The following PPP1R12B variants were observed in gnomAD, a reference collection of about 807,000 sequenced individuals.
PPP1R12B encodes the protein protein phosphatase 1 regulatory subunit 12B.
PPP1R12B carries 76 observed loss-of-function variants against 126.1 expected under a neutral mutation model. The ratio of observed to expected loss-of-function variants is 0.60; its 90% CI spans 0.50 to 0.73. The LOEUF (loss-of-function observed/expected upper bound fraction) is 0.73. PPP1R12B is among the 30% of genes least tolerant of loss of function. The pLI is 0.00. For missense variants in PPP1R12B, 1,052 were observed against 1,205.1 expected (o/e 0.87, Z 1.88); for synonymous variants, 356 against 434.7 (o/e 0.82, Z 2.25).
intron 18 of PPP1R12B, among the ~76,000 whole-genome samples, chr1:202,534,860 A>G (rs575331943): frequency 1.1e-4 from 17 of 152,360 alleles, no homozygotes; most frequent in Non-Finnish European, 2.5e-4. Flanking sequence ...AACCTTTTAC[A>G]TAATCACAAG....
rs190194051 is a variant in PPP1R12B at position 202,525,213 on chromosome 1, C to G, written c.2490+28391C>G. On this transcript the variant is annotated intron_variant, in intron 18 of 23. Coordinates refer to ENST00000608999, the MANE Select transcript of PPP1R12B (RefSeq NM_002481.4). The stretch of plus-strand genomic sequence containing the variant: ...TTTTAGATATGTTGGTTTGAGATAC[C>G]TGTTAGATTTCCAACTGGAAATTTT... Among the ~76,000 whole-genome samples, 306 of 152,204 alleles carry G rather than the reference C, an allele frequency of 2.0e-3. 1 individual carries two copies. The highest frequency in any genetic ancestry group is 7.0e-3 in the African/African-American group (290 of 41,512).
intron 18 of PPP1R12B, among the ~76,000 whole-genome samples, chr1:202,501,284 G>A (rs2148872526): frequency 6.6e-6 from 1 of 152,274 alleles, no homozygotes; most frequent in South Asian, 2.1e-4. Flanking sequence ...TGTTTGCCCT[G>A]GAGGGAACAA....
chr1:202,441,952 G>C (rs2148696177), intron 11 of PPP1R12B, among the ~76,000 whole-genome samples: 1 of 152,050 alleles, frequency 6.6e-6, no homozygotes, highest in South Asian at 2.1e-4. Context: ...TGCCTCCTGG[G>C]TTCAAGCGAT....
chr1:202,543,750 GAAAC>G (rs1685360080), intron 18 of PPP1R12B, among the ~76,000 whole-genome samples: 1 of 152,120 alleles, frequency 6.6e-6, no homozygotes, highest in Admixed American at 6.6e-5. Flanking sequence ...AATAAACAAA[GAAAC>G]AAACACATCC....
At chr1:202,366,800 G>A (rs992672860) in intron 1 of PPP1R12B, among the ~76,000 whole-genome samples, 2 of 152,102 alleles carry the variant, frequency 1.3e-5, no homozygotes, top group Non-Finnish European at 2.9e-5. Flanking sequence ...ACATATGGGT[G>A]CAAAACGTAG....
chr1:202,406,520 C>A (rs190386068), intron 1 of PPP1R12B, among the ~76,000 whole-genome samples: 4 of 152,158 alleles, frequency 2.6e-5, no homozygotes, highest in African/African-American at 4.8e-5. Flanking sequence ...CAAGTAGTTT[C>A]TTGACCCTGG....
intron 13 of PPP1R12B, among the ~76,000 whole-genome samples, chr1:202,455,089 G>C (rs553358092): frequency 5.5e-4 from 83 of 152,196 alleles, no homozygotes; most frequent in African/African-American, 2.0e-3. Flanking sequence ...GAGGTGGAAA[G>C]GTACTTGATC....
chr1:202,392,727 A>G (rs116639773), intron 1 of PPP1R12B, among the ~76,000 whole-genome samples: 2,057 of 151,846 alleles, frequency 0.014, 23 homozygotes, highest in South Asian at 0.039. Context: ...GGGTTTCACC[A>G]TGCTTCTCAG....
chr1:202,447,213 A>G (rs771351273), intron 12 of PPP1R12B, among the ~76,000 whole-genome samples: 23 of 152,230 alleles, frequency 1.5e-4, no homozygotes, highest in Non-Finnish European at 2.5e-4. Flanking sequence ...TATATCATCT[A>G]TTCTCTTATA....
intron 1 of PPP1R12B, among the ~76,000 whole-genome samples, chr1:202,369,347 A>C (rs1321458528): frequency 1.3e-5 from 2 of 152,246 alleles, no homozygotes; most frequent in African/African-American, 4.8e-5. Context: ...CATTTACTGA[A>C]TCAGAATTAC....
At chr1:202,349,876 A>G (rs1224125155) in intron 1 of PPP1R12B, among the ~76,000 whole-genome samples, 1 of 152,014 alleles carries the variant, frequency 6.6e-6, no homozygotes, top group Non-Finnish European at 1.5e-5. Flanking sequence ...GTATAGCTAT[A>G]CTATATGGAT....
At chr1:202,553,796 G>A (rs1032281220) in intron 18 of PPP1R12B, among the ~76,000 whole-genome samples, 5 of 152,210 alleles carry the variant, frequency 3.3e-5, no homozygotes, top group South Asian at 2.1e-4. Flanking sequence ...AGAAGCTTCA[G>A]TGTTCATTTC....
At chr1:202,494,194 TG>T (rs1679238480) in intron 15 of PPP1R12B, among the ~76,000 whole-genome samples, 1 of 152,214 alleles carries the variant, frequency 6.6e-6, no homozygotes, top group Non-Finnish European at 1.5e-5. Flanking sequence ...AGTTCTATTT[TG>T]TATTTTGTTT....
chr1:202,450,504 C>A (rs1003559626), intron 13 of PPP1R12B, among the ~76,000 whole-genome samples: 1 of 152,084 alleles, frequency 6.6e-6, no homozygotes, highest in African/African-American at 2.4e-5. Context: ...TATAATTATC[C>A]CTTGTTAAGA....
chr1:202,479,232 T>C (rs1450498675), intron 13 of PPP1R12B, among the ~76,000 whole-genome samples: 1 of 152,174 alleles, frequency 6.6e-6, no homozygotes, highest in Non-Finnish European at 1.5e-5. Context: ...GGAAAAAATA[T>C]GAGTATTAAA....
intron 23 of PPP1R12B, chr1:202,576,461 C>T (rs1572564981): frequency 6.6e-6 from 1 of 152,174 alleles, no homozygotes; most frequent in Non-Finnish European, 1.5e-5. Context: ...CTGAATCACC[C>T]GAATTATCAT....
intron 17 of PPP1R12B, 27 bp downstream of exon 17, chr1:202,495,709 A>G (rs748958608): frequency 7.6e-6 from 12 of 1,574,046 alleles, no homozygotes; most frequent in Middle Eastern, 1.7e-4. Context: ...GTGCTGAGGC[A>G]TATCATATTA....
At chr1:202,403,966 A>G (rs772677007) in intron 1 of PPP1R12B, among the ~76,000 whole-genome samples, 3 of 152,166 alleles carry the variant, frequency 2.0e-5, no homozygotes, top group Admixed American at 1.3e-4. Flanking sequence ...CTTAGCTGCC[A>G]GTACCTTACT....
chr1:202,444,808 T>C (rs534318085), intron 12 of PPP1R12B, among the ~76,000 whole-genome samples: 95 of 152,352 alleles, frequency 6.2e-4, no homozygotes, highest in African/African-American at 2.1e-3. Flanking sequence ...CTCTTTTGGA[T>C]GATTGACCAA....
Sources: allele counts gnomAD v4.1 joint callset (sites outside exome capture counted in the v4.1 genomes callset), GRCh38; gene constraint gnomAD v4.1.1; transcripts MANE v1.5; gene names NCBI Gene and HGNC (gene_info 2026-07-23, HGNC 2026-07-21).